CSMD2: variants seen among roughly 807,000 people sequenced by gnomAD.
CSMD2 encodes CUB and Sushi multiple domains 2.
CSMD2 carries 130 observed loss-of-function variants against 398.5 expected under a neutral mutation model. The ratio of observed to expected loss-of-function variants is 0.33; its 90% confidence interval spans 0.28 to 0.38. The LOEUF is 0.38. Among genes scored for constraint, CSMD2 ranks in the 10% least tolerant of loss-of-function variants. The probability of loss-of-function intolerance (pLI) is 1.00; values close to 1 mark genes in which losing one functional copy is unlikely to be tolerated. For synonymous variants in CSMD2, 1,828 were observed against 1,908.5 expected, an observed-to-expected ratio of 0.96 and a Z score of 1.10; for missense variants, 3,829 against 4,764.9, an observed-to-expected ratio of 0.80 and a Z score of 5.78.
intron 3 of CSMD2, among the ~76,000 whole-genome samples, chr1:33,952,675 TACACAC>T (rs71740719): frequency 4.8e-4 from 71 of 148,720 alleles, no homozygotes; most frequent in African/African-American, 1.1e-3. Context: ...TTTTGTTGTT[TACACAC>T]ACACACACAC....
intron 5 of CSMD2, among the ~76,000 whole-genome samples, chr1:33,900,010 T>TAG (rs1642644597): frequency 6.6e-6 from 1 of 152,120 alleles, no homozygotes; most frequent in Admixed American, 6.5e-5. Context: ...AAGCTGTGTG[T>TAG]AGCTGTCTGC....
intron 54 of CSMD2, 77 bp from the exon 55 acceptor site, chr1:33,557,999 G>A: frequency 1.5e-6 from 2 of 1,342,324 alleles, no homozygotes; most frequent in Non-Finnish European, 2.0e-6. Context: ...AGGCAATGAA[G>A]CAGACCCTGT....
intron 68 of CSMD2, 88 bp from the exon 69 acceptor site, chr1:33,520,038 A>C (rs960331814): frequency 1.7e-5 from 26 of 1,496,036 alleles, no homozygotes; most frequent in Non-Finnish European, 2.2e-5. Flanking sequence ...ACTCTTGGGA[A>C]GCAGGGCTGC....
At chr1:34,059,284 C>T (rs548250142) in intron 2 of CSMD2, among the ~76,000 whole-genome samples, 7 of 152,136 alleles carry the variant, frequency 4.6e-5, no homozygotes, top group Non-Finnish European at 7.4e-5. Flanking sequence ...AGGGGTGGAG[C>T]GAGACCCATG....
chr1:33,842,809 G>C (rs910518109), intron 6 of CSMD2, among the ~76,000 whole-genome samples: 3 of 152,096 alleles, frequency 2.0e-5, no homozygotes, highest in Non-Finnish European at 4.4e-5. Context: ...CCCATTCTTT[G>C]ATGGAGGGCC....
intron 4 of CSMD2, among the ~76,000 whole-genome samples, chr1:33,927,857 T>C (rs1644178919): frequency 6.6e-6 from 1 of 152,212 alleles, no homozygotes; most frequent in African/African-American, 2.4e-5. Flanking sequence ...GGGTGAACCT[T>C]GGGTCTGGCT....
At chr1:33,915,609 C>T (rs539387015) in intron 5 of CSMD2, among the ~76,000 whole-genome samples, 1 of 152,252 alleles carries the variant, frequency 6.6e-6, no homozygotes, top group South Asian at 2.1e-4. Flanking sequence ...TGTAGACTCA[C>T]ACCTGGAGGG....
chr1:33,829,440 T>G (rs1298313924), intron 6 of CSMD2, among the ~76,000 whole-genome samples: 1 of 152,242 alleles, frequency 6.6e-6, no homozygotes, highest in Non-Finnish European at 1.5e-5. Flanking sequence ...GTGCACAACG[T>G]GCAGTTTTGT....
intron 3 of CSMD2, among the ~76,000 whole-genome samples, chr1:33,977,712 C>A (rs970387978): frequency 6.6e-6 from 1 of 152,134 alleles, no homozygotes; most frequent in Admixed American, 6.5e-5. Flanking sequence ...CTGACCCAAC[C>A]CTTCCACATG....
At position 33,777,788 on chromosome 1, in the gene CSMD2, A is replaced by C. The variant is rs1029249710; in HGVS notation, c.1664-5037T>G. Reference sequence around the variant, plus strand: ...TCAGCATATTTGCTTCCCCTTTCTCAGCTGTTTTATCCCCATCATCTGTGA... The same window carrying C: ...TCAGCATATTTGCTTCCCCTTTCTCCGCTGTTTTATCCCCATCATCTGTGA... On this transcript the variant is annotated intron_variant, in intron 12 of 70. Coordinates refer to ENST00000373381, the MANE Select transcript of CSMD2 (RefSeq NM_001281956.2). 3.9e-5 allele frequency among the ~76,000 whole-genome samples: 6 copies of C among 152,058 alleles called. 1 individual carries two copies. Among genetic ancestry groups the C allele is most frequent in the Non-Finnish European group, 2.9e-5 (2 of 68,018 alleles).
chr1:33,695,206 G>C (rs899777621), intron 24 of CSMD2, among the ~76,000 whole-genome samples: 2 of 152,108 alleles, frequency 1.3e-5, no homozygotes, highest in Non-Finnish European at 2.9e-5. Flanking sequence ...TGGAGGCTGG[G>C]GTATGAGATA....
intron 25 of CSMD2, among the ~76,000 whole-genome samples, chr1:33,676,787 G>A (rs543120878): frequency 6.6e-6 from 1 of 152,112 alleles, no homozygotes; most frequent in African/African-American, 2.4e-5. Flanking sequence ...ACAGAACAGA[G>A]CCCTCAGAAA....
At chr1:33,543,405 A>G (rs1656551427) in intron 57 of CSMD2, among the ~76,000 whole-genome samples, 1 of 152,250 alleles carries the variant, frequency 6.6e-6, no homozygotes, top group Non-Finnish European at 1.5e-5. Context: ...AACTGCATCA[A>G]TGAGATATAG....
chr1:33,542,180 C>T (rs1656409685), intron 58 of CSMD2, among the ~76,000 whole-genome samples: 1 of 152,190 alleles, frequency 6.6e-6, no homozygotes, highest in South Asian at 2.1e-4. Flanking sequence ...ACTCACTTTT[C>T]CCAGAAAAGA....
At chr1:33,957,556 T>A (rs1190248859) in intron 3 of CSMD2, among the ~76,000 whole-genome samples, 1 of 152,214 alleles carries the variant, frequency 6.6e-6, no homozygotes, top group African/African-American at 2.4e-5. Context: ...TGAACAAGTT[T>A]CATGCCTTAT....
intron 6 of CSMD2, among the ~76,000 whole-genome samples, 157 bp downstream of exon 6, chr1:33,846,727 A>T (rs1192483461): frequency 6.6e-6 from 1 of 152,206 alleles, no homozygotes; most frequent in Non-Finnish European, 1.5e-5. Context: ...AGATGCAGAG[A>T]TGCAAATCTG....
chr1:33,727,256 AC>A (rs1646565774), intron 15 of CSMD2, among the ~76,000 whole-genome samples: 2 of 152,222 alleles, frequency 1.3e-5, no homozygotes. Flanking sequence ...TGAGTTAATG[AC>A]AGGATGAATG....
chr1:33,617,558 C>G lies in CSMD2; in HGVS notation c.5887G>C (p.Glu1963Gln), dbSNP rs147615570. 1 of 1,614,084 alleles carries G rather than the reference C, an allele frequency of 6.2e-7. No homozygotes were observed. The highest frequency in any genetic ancestry group is 1.7e-5 in the Admixed American group (1 of 60,012). ...ACCACATCATTCACCAAGTAGCGCT[C>G]GCCAGTCTTCACCCCGTTACTGGGC... The part of the protein sequence containing the change: ...AVPSNGVKTG[E>Q]RYLVNDVVSF... The change falls in exon 38 of 71, where the codon GAG (glutamate) becomes CAG (glutamine). Residue 1963 changes from glutamate to glutamine, a missense_variant. By Grantham distance (29) the Glu-to-Gln change is conservative. Around this residue, in one of 5 missense-constraint regions of CSMD2, gnomAD observed 2,001 missense variants for 2,567.1 expected, o/e 0.78. Coordinates refer to ENST00000373381, the MANE Select transcript of CSMD2 (RefSeq NM_001281956.2).
intron 5 of CSMD2, among the ~76,000 whole-genome samples, chr1:33,895,085 C>T (rs77920931): frequency 0.011 from 1,603 of 152,250 alleles, 14 homozygotes; most frequent in Non-Finnish European, 0.016. Context: ...TATCAATAAT[C>T]GCTACATTAT....
Sources: gnomAD v4.1 joint callset for allele counts (sites outside exome capture counted in the v4.1 genomes callset) on GRCh38, gnomAD v4.1.1 for gene constraint, gnomAD v4.1.1 regional missense constraint, MANE v1.5 for transcripts, NCBI Gene and HGNC (gene_info 2026-07-23, HGNC 2026-07-21) for gene names.